The following BBS9 variants were observed in gnomAD, a reference collection of about 807,000 sequenced individuals.
BBS9 encodes protein PTHB1.
Under a neutral mutation model 117.7 loss-of-function variants are expected in BBS9, and 89 were observed. The ratio of observed to expected loss-of-function variants is 0.76; its 90% CI spans 0.64 to 0.90. The LOEUF (loss-of-function observed/expected upper bound fraction) is 0.90. Among genes scored for constraint, BBS9 ranks in the 40% least tolerant of loss-of-function variants. The probability of loss-of-function intolerance (pLI) is 0.00; values close to 1 mark genes in which losing one functional copy is unlikely to be tolerated. For missense variants in BBS9, 982 were observed against 1,042.2 expected (o/e 0.94, Z 0.80); for synonymous variants, 379 against 370.9 (o/e 1.02, Z -0.25).
chr7:33,363,342 ATCC>A (rs1820992230), intron 16 of BBS9, among the ~76,000 whole-genome samples: 1 of 152,110 alleles, frequency 6.6e-6, no homozygotes, highest in Admixed American at 6.5e-5. Flanking sequence ...ACCTCAGGTG[ATCC>A]ACCTGTCTTG....
At chr7:33,472,846 T>C (rs1260135778) in intron 19 of BBS9, among the ~76,000 whole-genome samples, 2 of 152,224 alleles carry the variant, frequency 1.3e-5, no homozygotes, top group Non-Finnish European at 2.9e-5. Context: ...TGCCACATGA[T>C]AAACATTGTC....
At chr7:33,221,358 C>T (rs1408220806) in intron 5 of BBS9, among the ~76,000 whole-genome samples, 3 of 152,048 alleles carry the variant, frequency 2.0e-5, no homozygotes, top group East Asian at 1.9e-4. Context: ...AATAAATGAA[C>T]GTGCTAATTA....
intron 9 of BBS9, among the ~76,000 whole-genome samples, chr7:33,287,288 A>G (rs1307140115): frequency 6.6e-6 from 1 of 152,190 alleles, no homozygotes; most frequent in Non-Finnish European, 1.5e-5. Context: ...CTTATTCAAA[A>G]CTTTCTAAGT....
intron 21 of BBS9, among the ~76,000 whole-genome samples, chr7:33,552,069 A>T (rs554430316): frequency 1.3e-5 from 2 of 152,168 alleles, no homozygotes; most frequent in African/African-American, 4.8e-5. Flanking sequence ...ATTAGATAAC[A>T]TATCTGTAGT....
chr7:33,315,777 A>C (rs1381321804), intron 9 of BBS9, among the ~76,000 whole-genome samples: 1 of 152,186 alleles, frequency 6.6e-6, no homozygotes, highest in Non-Finnish European at 1.5e-5. Context: ...ATGTGTATAC[A>C]TGTATTAATT....
chr7:33,226,361 A>AT (rs1476823606), intron 5 of BBS9, among the ~76,000 whole-genome samples: 3 of 152,080 alleles, frequency 2.0e-5, no homozygotes, highest in Non-Finnish European at 4.4e-5. Flanking sequence ...CATTCTTGTG[A>AT]TTTTATATCT....
chr7:33,413,981 G>A (rs1022343048), intron 19 of BBS9, among the ~76,000 whole-genome samples: 3 of 152,076 alleles, frequency 2.0e-5, no homozygotes, highest in Non-Finnish European at 4.4e-5. Flanking sequence ...CTGATAATGC[G>A]CCATTGCACT....
chr7:33,433,802 CATT>C (rs56398225), intron 19 of BBS9, among the ~76,000 whole-genome samples: 320 of 151,986 alleles, frequency 2.1e-3, no homozygotes, highest in Admixed American at 5.2e-3. Context: ...TACAGATAAT[CATT>C]ATGTAAAATT....
In BBS9 at chr7:33,267,906, G is replaced by A. The variant is rs547083051; in HGVS notation, c.702+3532G>A. On this transcript the variant is annotated intron_variant, in intron 7 of 22. Coordinates refer to ENST00000242067, the MANE Select transcript of BBS9 (RefSeq NM_198428.3). ...CTTTTAGTGTGGGCCTGCTGGTGAC[G>A]AATTTTTCATTTTTTATGTATATAC... Among the ~76,000 whole-genome samples, 4 of 152,146 alleles carry A rather than the reference G, an allele frequency of 2.6e-5. No homozygotes were observed. In the East Asian group the frequency reaches 7.7e-4, roughly 29 times the overall value.
At chr7:33,494,563 T>G (rs991246577) in intron 19 of BBS9, among the ~76,000 whole-genome samples, 1 of 152,142 alleles carries the variant, frequency 6.6e-6, no homozygotes, top group African/African-American at 2.4e-5. Context: ...CTGCAAAAAC[T>G]TTTCAAAAAT....
intron 5 of BBS9, among the ~76,000 whole-genome samples, chr7:33,256,840 G>A (rs1231669528): frequency 1.3e-5 from 2 of 151,972 alleles, no homozygotes; most frequent in Non-Finnish European, 1.5e-5. Flanking sequence ...GGACATGAAA[G>A]GTTATAGCCA....
intron 19 of BBS9, among the ~76,000 whole-genome samples, chr7:33,500,432 A>G (rs533779447): frequency 6.8e-4 from 104 of 152,374 alleles, no homozygotes; most frequent in South Asian, 5.4e-3. Context: ...CCTAGCCCTT[A>G]TCTTCCCTTA....
At chr7:33,450,571 G>A (rs570281382) in intron 19 of BBS9, among the ~76,000 whole-genome samples, 1 of 152,286 alleles carries the variant, frequency 6.6e-6, no homozygotes, top group African/African-American at 2.4e-5. Context: ...TGTCCTAATG[G>A]GGGTGAGGTG....
At chr7:33,586,005 T>C (rs1860823441) in intron 21 of BBS9, among the ~76,000 whole-genome samples, 1 of 152,062 alleles carries the variant, frequency 6.6e-6, no homozygotes, top group African/African-American at 2.4e-5. Context: ...AGCATCACTT[T>C]ACCTCTGATG....
chr7:33,574,704 C>T (rs2598399), intron 21 of BBS9, among the ~76,000 whole-genome samples: 33,112 of 141,366 alleles, frequency 0.23, 4,889 homozygotes, highest in African/African-American at 0.44. Context: ...CACACACACA[C>T]ACACACACAC....
chr7:33,146,698 C>CAA (rs36056577), intron 2 of BBS9, among the ~76,000 whole-genome samples: 55 of 81,128 alleles, frequency 6.8e-4, no homozygotes, highest in East Asian at 1.6e-3. Flanking sequence ...GGCTCCATCT[C>CAA]AAAAAAAAAA....
intron 19 of BBS9, among the ~76,000 whole-genome samples, chr7:33,457,125 T>A (rs1838769006): frequency 6.6e-6 from 1 of 152,166 alleles, no homozygotes; most frequent in East Asian, 1.9e-4. Context: ...CCTTTTGCCC[T>A]CTTCTCTGGC....
chr7:33,375,497 A>G (rs1823679899), intron 17 of BBS9, among the ~76,000 whole-genome samples: 1 of 151,964 alleles, frequency 6.6e-6, no homozygotes, highest in African/African-American at 2.4e-5. Flanking sequence ...TCTTGGACTC[A>G]TTGATTCTTT....
chr7:33,461,733 A>C (rs1023138806), intron 19 of BBS9, among the ~76,000 whole-genome samples: 2 of 152,070 alleles, frequency 1.3e-5, no homozygotes, highest in African/African-American at 4.8e-5. Context: ...ATTTACTCTG[A>C]ATGGGAAGAA....
Sources: gnomAD v4.1 joint callset for allele counts (sites outside exome capture counted in the v4.1 genomes callset) on GRCh38, gnomAD v4.1.1 for gene constraint, MANE v1.5 for transcripts, NCBI Gene and HGNC (gene_info 2026-07-23, HGNC 2026-07-21) for gene names.